Variants in OSBP2 observed in about 807,000 individuals in gnomAD.
OSBP2 encodes the protein oxysterol binding protein 2, also known as oxysterol-binding protein 2.
In OSBP2, 66 loss-of-function variants were observed where a neutral mutation model predicts 96.0. The ratio of observed to expected loss-of-function variants is 0.69; its 90% CI spans 0.56 to 0.84. The LOEUF (loss-of-function observed/expected upper bound fraction) is 0.84, where lower values mean the gene tolerates loss of function less well. Ranked by LOEUF, OSBP2 falls within the 40% of genes least tolerant of loss-of-function variation. The pLI, the probability that OSBP2 is intolerant of heterozygous loss-of-function variation, is 0.00. For synonymous variants in OSBP2, 525 were observed against 520.9 expected (o/e 1.01, Z -0.11); for missense variants, 1,038 against 1,222.7 (o/e 0.85, Z 2.25).
At chr22:30,705,199 C>T (rs145122341) in intron 1 of OSBP2, among the ~76,000 whole-genome samples, 73 of 152,280 alleles carry the variant, frequency 4.8e-4, no homozygotes, top group African/African-American at 1.7e-3. Flanking sequence ...TGATCTAGAC[C>T]TTGCCCAAGG....
rs149285082 is a variant in OSBP2, at chr22:30,843,830, T to A, written c.854-26599T>A. On this transcript the variant is annotated intron_variant, in intron 2 of 13. Coordinates refer to ENST00000332585, the MANE Select transcript of OSBP2 (RefSeq NM_030758.4). ...TTGCAGTGAGCCAGGATCGTGCCACTGCACTCCAGCCTGGGTAATAGAGTG... is the reference window on the plus strand; with the variant it reads ...TTGCAGTGAGCCAGGATCGTGCCACAGCACTCCAGCCTGGGTAATAGAGTG... Among the ~76,000 whole-genome samples the A allele has an allele frequency of 3.1e-3, 467 of 151,886 alleles. 1 individual carries two copies. Among genetic ancestry groups the A allele is most frequent in the African/African-American group, 0.011 (436 of 41,472 alleles).
intron 12 of OSBP2, among the ~76,000 whole-genome samples, chr22:30,903,981 C>T (rs1569177188): frequency 6.6e-6 from 1 of 152,230 alleles, no homozygotes; most frequent in African/African-American, 2.4e-5. Context: ...TGGGGACACA[C>T]TTGGTTGTTC....
intron 1 of OSBP2, among the ~76,000 whole-genome samples, chr22:30,735,593 G>A (rs564793813): frequency 4.0e-5 from 6 of 151,086 alleles, no homozygotes; most frequent in African/African-American, 7.3e-5. Context: ...TTACAGGCGT[G>A]AGCCACTGCT....
At chr22:30,855,402 T>C (rs2039060416) in intron 2 of OSBP2, among the ~76,000 whole-genome samples, 1 of 152,128 alleles carries the variant, frequency 6.6e-6, no homozygotes, top group Non-Finnish European at 1.5e-5. Flanking sequence ...GCACCCTTGA[T>C]GTTAAAGGGG....
intron 2 of OSBP2, among the ~76,000 whole-genome samples, chr22:30,755,207 G>A (rs562162648): frequency 2.0e-5 from 3 of 152,282 alleles, no homozygotes; most frequent in South Asian, 2.1e-4. Context: ...CACCCACTGG[G>A]CATGCCAGAC....
At chr22:30,780,749 T>C (rs2090507795) in intron 2 of OSBP2, among the ~76,000 whole-genome samples, 1 of 152,112 alleles carries the variant, frequency 6.6e-6, no homozygotes, top group African/African-American at 2.4e-5. Flanking sequence ...CCGCTCGTCT[T>C]GGCCTCCCAA....
chr22:30,826,977 C>G (rs547965879), intron 2 of OSBP2, among the ~76,000 whole-genome samples: 1 of 152,104 alleles, frequency 6.6e-6, no homozygotes, highest in Non-Finnish European at 1.5e-5. Flanking sequence ...TTAGGTGAAC[C>G]TGGAGTGGGG....
intron 1 of OSBP2, among the ~76,000 whole-genome samples, chr22:30,697,637 T>C (rs2089070723): frequency 6.6e-6 from 1 of 152,198 alleles, no homozygotes; most frequent in Non-Finnish European, 1.5e-5. Context: ...TCTTACTGCT[T>C]GCTGATAATG....
intron 1 of OSBP2, among the ~76,000 whole-genome samples, chr22:30,699,292 A>C (rs2145664052): frequency 6.6e-6 from 1 of 152,282 alleles, no homozygotes; most frequent in African/African-American, 2.4e-5. Flanking sequence ...TAATATATAG[A>C]GTATGTTATT....
chr22:30,857,800 C>G (rs968042659), intron 2 of OSBP2, among the ~76,000 whole-genome samples: 9 of 152,220 alleles, frequency 5.9e-5, no homozygotes, highest in Admixed American at 5.2e-4. Context: ...TCGGAGTAAA[C>G]TAAGGAGGCC....
At chr22:30,897,482 C>T (rs372676299) in intron 12 of OSBP2, among the ~76,000 whole-genome samples, 3 of 152,042 alleles carry the variant, frequency 2.0e-5, no homozygotes, top group Non-Finnish European at 2.9e-5. Context: ...AGATTTAGAG[C>T]GTAGCATACA....
intron 3 of OSBP2, among the ~76,000 whole-genome samples, chr22:30,883,561 A>G (rs548076650): frequency 6.6e-6 from 1 of 152,300 alleles, no homozygotes; most frequent in East Asian, 1.9e-4. Context: ...GCTTAGGGCA[A>G]TGTGGGGAGG....
intron 1 of OSBP2, among the ~76,000 whole-genome samples, chr22:30,699,512 A>G (rs1195317570): frequency 6.6e-6 from 1 of 152,190 alleles, no homozygotes; most frequent in Non-Finnish European, 1.5e-5. Flanking sequence ...ACAAATTTAT[A>G]TTCCCAACGG....
chr22:30,880,031 A>C (rs1006181933), intron 3 of OSBP2, among the ~76,000 whole-genome samples: 1 of 151,912 alleles, frequency 6.6e-6, no homozygotes, highest in Admixed American at 6.6e-5. Context: ...CAGCCTGGGC[A>C]AGAGCAAGAC....
At chr22:30,703,215 C>T (rs935799271) in intron 1 of OSBP2, among the ~76,000 whole-genome samples, 13 of 151,710 alleles carry the variant, frequency 8.6e-5, no homozygotes, top group Non-Finnish European at 1.9e-4. Context: ...GCTGTGTTGC[C>T]CAGGCTGAAG....
chr22:30,730,809 A>ATATATATATATATTAT (rs1569100787), intron 1 of OSBP2, among the ~76,000 whole-genome samples: 10 of 21,274 alleles, frequency 4.7e-4, no homozygotes, highest in African/African-American at 9.7e-4. Context: ...TATATATATA[A>ATATATATATATATTAT]TTTTTTTTTT....
intron 2 of OSBP2, among the ~76,000 whole-genome samples, chr22:30,847,896 G>T (rs1010402213): frequency 2.6e-5 from 4 of 151,980 alleles, no homozygotes; most frequent in Admixed American, 6.6e-5. Context: ...GAGGTTTATA[G>T]ATTTTATTGA....
chr22:30,803,072 CGCGGCGGCGGGAAGGCGGCGGCGGCG>C (rs1462291561), intron 2 of OSBP2: 1 of 204,586 alleles, frequency 4.9e-6, no homozygotes, highest in African/African-American at 2.4e-5. Flanking sequence ...GGACTGAGAG[CGCGGCGGCGGGAAGGCGGCGGCGGCG>C]GCGGCAGCAG....
intron 1 of OSBP2, among the ~76,000 whole-genome samples, chr22:30,715,894 G>T (rs1216601621): frequency 2.3e-5 from 3 of 131,866 alleles, no homozygotes; most frequent in African/African-American, 8.7e-5. Context: ...ATCTTGCAGT[G>T]TTATCCAAGC....
Sources: allele counts gnomAD v4.1 joint callset (sites outside exome capture counted in the v4.1 genomes callset), GRCh38; gene constraint gnomAD v4.1.1; transcripts MANE v1.5; gene names NCBI Gene and HGNC (gene_info 2026-07-23, HGNC 2026-07-21).